Variants in L3MBTL4 observed in about 807,000 individuals in gnomAD.
The protein encoded by L3MBTL4 is lethal(3)malignant brain tumor-like protein 4.
L3MBTL4 carries 70 observed loss-of-function variants against 84.5 expected under a neutral mutation model. The ratio of observed to expected loss-of-function variants is 0.83; its 90% CI spans 0.68 to 1.01. The LOEUF is 1.01. Ranked by LOEUF, L3MBTL4 falls within the 50% of genes least tolerant of loss-of-function variation. The pLI is 0.00. For synonymous variants in L3MBTL4, 274 were observed against 259.8 expected (o/e 1.05, Z -0.52); for missense variants, 715 against 754.8 (o/e 0.95, Z 0.62).
At position 6,177,172 on chromosome 18, in the gene L3MBTL4, C is replaced by T. The variant is rs548919746; in HGVS notation, c.982-5230G>A. 3.3e-5 allele frequency among the ~76,000 whole-genome samples: 5 copies of T among 152,308 alleles called. No homozygotes were observed. The East Asian group carries it at 9.6e-4, about 29-fold the overall frequency. On this transcript the variant is annotated intron_variant, in intron 12 of 18. Coordinates refer to ENST00000317931, the MANE Select transcript of L3MBTL4 (RefSeq NM_001330559.2). ...AAATATAAAGTTGTGTAAACAAATG[C>T]CCCTTGCAGTTTTATTCATAATAGC...
chr18:6,087,583 T>A (rs2058299538), intron 15 of L3MBTL4, among the ~76,000 whole-genome samples: 1 of 152,094 alleles, frequency 6.6e-6, no homozygotes, highest in Admixed American at 6.5e-5. Context: ...CAAGAAGAAC[T>A]CTGGTTTGTC....
chr18:6,254,476 C>A (rs920546541), intron 5 of L3MBTL4, among the ~76,000 whole-genome samples: 11 of 138,674 alleles, frequency 7.9e-5, no homozygotes, highest in African/African-American at 3.0e-4. Flanking sequence ...TCATCACCTA[C>A]ATAATTAAAC....
At chr18:6,183,061 ATAGAAT>A (rs1687065018) in intron 12 of L3MBTL4, among the ~76,000 whole-genome samples, 1 of 152,236 alleles carries the variant, frequency 6.6e-6, no homozygotes, top group Admixed American at 6.5e-5. Flanking sequence ...GTTATAAGAA[ATAGAAT>A]TAGTTTTTCC....
In L3MBTL4 at chr18:5,997,768, G is replaced by A. The variant is rs77149589; in HGVS notation, c.1445-28206C>T. On this transcript the variant is annotated intron_variant, in intron 16 of 18. Coordinates refer to ENST00000317931, the MANE Select transcript of L3MBTL4 (RefSeq NM_001330559.2). ...CCTCCTGAGGCTGTGTCACCAACGC[G>A]TCCTTAACCTTGGCAAAATAAACTT... Among the ~76,000 whole-genome samples, 1,305 of 152,238 alleles carry A rather than the reference G, an allele frequency of 8.6e-3. 13 individuals carry two copies. The highest frequency in any genetic ancestry group is 0.029 in the African/African-American group (1,220 of 41,530).
At chr18:6,120,198 T>C (rs545908056) in intron 14 of L3MBTL4, among the ~76,000 whole-genome samples, 2 of 152,254 alleles carry the variant, frequency 1.3e-5, no homozygotes, top group Admixed American at 6.5e-5. Context: ...CAACACTCGG[T>C]CCTCCCAGGT....
At chr18:6,095,909 A>G (rs2058626905) in intron 14 of L3MBTL4, among the ~76,000 whole-genome samples, 1 of 152,224 alleles carries the variant, frequency 6.6e-6, no homozygotes, top group African/African-American at 2.4e-5. Context: ...AACTTTCTGT[A>G]GGCAAAAGTT....
intron 13 of L3MBTL4, among the ~76,000 whole-genome samples, chr18:6,162,094 T>A (rs1444202586): frequency 6.6e-6 from 1 of 152,036 alleles, no homozygotes; most frequent in Non-Finnish European, 1.5e-5. Context: ...ATGAGAATAA[T>A]AGATTAAAAA....
chr18:6,014,817 A>C (rs1022267136), intron 16 of L3MBTL4, among the ~76,000 whole-genome samples: 1 of 152,184 alleles, frequency 6.6e-6, no homozygotes, highest in Admixed American at 6.5e-5. Flanking sequence ...ATTACATCTG[A>C]CTTTCAAAAA....
chr18:6,354,431 G>C lies in L3MBTL4; in HGVS notation c.-90-42375C>G, dbSNP rs144617272. Among the ~76,000 whole-genome samples, 377 of 152,206 alleles carry C rather than the reference G, an allele frequency of 2.5e-3. 2 individuals carry two copies. Among genetic ancestry groups the C allele is most frequent in the Middle Eastern group, 0.01 (3 of 294 alleles). On this transcript the variant is annotated intron_variant, in intron 1 of 18. Transcript: ENST00000317931. ...CAACCAAAGCAAAATGGACAAATGGGATCACATCAAGTTAAAAAGCTTCTA... is the reference window on the plus strand; with the variant it reads ...CAACCAAAGCAAAATGGACAAATGGCATCACATCAAGTTAAAAAGCTTCTA...
intron 4 of L3MBTL4, among the ~76,000 whole-genome samples, chr18:6,284,208 T>C (rs1387537647): frequency 6.6e-6 from 1 of 152,188 alleles, no homozygotes; most frequent in East Asian, 1.9e-4. Flanking sequence ...TTTAAGGAAT[T>C]AGTCTATTCT....
chr18:6,137,967 G>T (rs112459318), intron 14 of L3MBTL4, among the ~76,000 whole-genome samples: 1 of 152,080 alleles, frequency 6.6e-6, no homozygotes, highest in African/African-American at 2.4e-5. Flanking sequence ...CAGAGATTCT[G>T]GGACATGAAG....
At chr18:6,332,616 T>A (rs1400884524) in intron 1 of L3MBTL4, among the ~76,000 whole-genome samples, 3 of 152,188 alleles carry the variant, frequency 2.0e-5, no homozygotes, top group African/African-American at 4.8e-5. Context: ...GACTGTTAGA[T>A]TCATAGAATG....
At chr18:6,045,902 C>G (rs888266971) in intron 16 of L3MBTL4, among the ~76,000 whole-genome samples, 1 of 152,116 alleles carries the variant, frequency 6.6e-6, no homozygotes, top group Admixed American at 6.5e-5. Flanking sequence ...ACCCTGAATG[C>G]AAATAGTCTA....
At chr18:6,013,086 G>T (rs918420602) in intron 16 of L3MBTL4, among the ~76,000 whole-genome samples, 9 of 152,094 alleles carry the variant, frequency 5.9e-5, no homozygotes, top group African/African-American at 2.2e-4. Context: ...ACTCTTTTAA[G>T]GGGAAACAAA....
intron 16 of L3MBTL4, among the ~76,000 whole-genome samples, chr18:6,026,238 G>C (rs1003921723): frequency 1.3e-5 from 2 of 152,148 alleles, no homozygotes; most frequent in African/African-American, 2.4e-5. Context: ...AAAGGAAAAG[G>C]CTTGGTATAT....
chr18:6,370,792 C>T (rs112339640), intron 1 of L3MBTL4, among the ~76,000 whole-genome samples: 1,524 of 152,284 alleles, frequency 0.01, 8 homozygotes, highest in Non-Finnish European at 0.016. Flanking sequence ...ACTGCCCCCA[C>T]CAAGCAAGCC....
At chr18:6,282,845 G>A (rs1194484834) in intron 4 of L3MBTL4, among the ~76,000 whole-genome samples, 1 of 152,150 alleles carries the variant, frequency 6.6e-6, no homozygotes, top group Non-Finnish European at 1.5e-5. Context: ...GCACAGGGAA[G>A]ACGAAAATAA....
intron 14 of L3MBTL4, among the ~76,000 whole-genome samples, chr18:6,123,555 A>G (rs951609392): frequency 2.0e-5 from 3 of 152,148 alleles, no homozygotes; most frequent in Non-Finnish European, 1.5e-5. Flanking sequence ...TTCGCCTTCC[A>G]CCATGATTGT....
Position 6,015,800 on chromosome 18 carries a change from T to C in L3MBTL4, c.1445-46238A>G, listed in dbSNP as rs1431497923. Among the ~76,000 whole-genome samples, 4 of 151,846 alleles carry C rather than the reference T, an allele frequency of 2.6e-5. No individual in the cohort carries two copies. The East Asian group carries it at 7.8e-4, about 30-fold the overall frequency. The stretch of plus-strand genomic sequence containing the variant: ...AGTGAAACCCCGTCTCTATTAAAAA[T>C]ACAAAAAAAGTTAGCTGGGCATGAT... On this transcript the variant is annotated intron_variant, in intron 16 of 18. Coordinates refer to ENST00000317931, the MANE Select transcript of L3MBTL4 (RefSeq NM_001330559.2).
Sources: gnomAD v4.1 joint callset for allele counts (sites outside exome capture counted in the v4.1 genomes callset) on GRCh38, gnomAD v4.1.1 for gene constraint, MANE v1.5 for transcripts, NCBI Gene and HGNC (gene_info 2026-07-23, HGNC 2026-07-21) for gene names.